Variants in RAP1GAP2 observed in about 807,000 individuals in gnomAD.
The protein encoded by RAP1GAP2 is RAP1 GTPase activating protein 2.
Under a neutral mutation model 95.0 loss-of-function variants are expected in RAP1GAP2, and 27 were observed. The observed-to-expected ratio is 0.28, with a 90% CI of 0.21 to 0.39. RAP1GAP2 has a LOEUF of 0.39. Ranked by LOEUF, RAP1GAP2 falls within the 10% of genes least tolerant of loss-of-function variation. RAP1GAP2 has a pLI of 1.00. For synonymous variants in RAP1GAP2, 373 were observed against 380.9 expected, an observed-to-expected ratio of 0.98 and a Z score of 0.24; for missense variants, 771 against 970.0, an observed-to-expected ratio of 0.79 and a Z score of 2.72.
intron 10 of RAP1GAP2, among the ~76,000 whole-genome samples, chr17:2,984,284 G>C (rs1402582511): frequency 1.3e-5 from 2 of 152,098 alleles, no homozygotes; most frequent in Non-Finnish European, 2.9e-5. Flanking sequence ...GGAGGCGGAG[G>C]TTGCAGTGAG....
At chr17:3,026,495 C>A (rs773621533) in intron 21 of RAP1GAP2, 31 bp downstream of exon 21, 18 of 1,484,316 alleles carry the variant, frequency 1.2e-5, no homozygotes, top group Admixed American at 6.6e-5. Flanking sequence ...CTTGGGCAGG[C>A]ACTCTGGGGC....
At chr17:3,032,224 C>G (rs1388539800) in intron 23 of RAP1GAP2, among the ~76,000 whole-genome samples, 187 bp from the exon 24 acceptor site, 1 of 152,002 alleles carries the variant, frequency 6.6e-6, no homozygotes, top group African/African-American at 2.4e-5. Context: ...CCCCCAGTCC[C>G]TTTCTGAGCT....
chr17:2,919,364 T>A (rs1402551793), intron 3 of RAP1GAP2, among the ~76,000 whole-genome samples: 1 of 152,210 alleles, frequency 6.6e-6, no homozygotes, highest in Non-Finnish European at 1.5e-5. Flanking sequence ...ATGAAGGTTT[T>A]TGGGACTAGA....
At chr17:2,970,288 A>AAT (rs1555582382) in intron 8 of RAP1GAP2, among the ~76,000 whole-genome samples, 1 of 144,208 alleles carries the variant, frequency 6.9e-6, no homozygotes, top group South Asian at 2.1e-4. Context: ...AAAAAAAAAA[A>AAT]AAAAAAAATA....
chr17:3,013,821 G>T, intron 17 of RAP1GAP2, among the ~76,000 whole-genome samples: 2 of 151,480 alleles, frequency 1.3e-5, no homozygotes, highest in East Asian at 1.9e-4. Flanking sequence ...TGTGGGCTTG[G>T]GCAATAATTT....
chr17:2,850,017 T>TTTTTTG, intron 2 of RAP1GAP2, among the ~76,000 whole-genome samples: 1 of 150,162 alleles, frequency 6.7e-6, no homozygotes, highest in African/African-American at 2.5e-5. Flanking sequence ...TTTTTTTTTT[T>TTTTTTG]TGAGATGGAG....
rs538868924 is a variant in RAP1GAP2, at chr17:2,965,605, G to A, written c.558G>A (p.Glu186=). Residue 186 remains glutamate, a synonymous_variant, in exon 8 of 25, where the codon GAG becomes GAA. Transcript: ENST00000254695. The surrounding 1 kb of genome is among the most constrained non-coding windows in gnomAD (Gnocchi z 4.7). ...LGNLILSVKC[E]EAEGIEYLRV... The stretch of plus-strand genomic sequence containing the variant: ...ACTTGATCCTGTCCGTCAAGTGCGA[G>A]GAAGCAGAGGGGATCGAGTACCTCC... 434 of 1,612,422 alleles carry A rather than the reference G, an allele frequency of 2.7e-4. 1 individual carries two copies. In the South Asian group the frequency reaches 4.5e-3, roughly 17 times the overall value.
intron 2 of RAP1GAP2, among the ~76,000 whole-genome samples, chr17:2,886,024 A>T (rs2073484616): frequency 6.6e-6 from 1 of 151,940 alleles, no homozygotes; most frequent in East Asian, 1.9e-4. Flanking sequence ...CTGGGTTGAG[A>T]TGTCGCATGA....
intron 11 of RAP1GAP2, among the ~76,000 whole-genome samples, chr17:2,986,415 G>A (rs11870976): frequency 0.15 from 23,236 of 152,060 alleles, 1,941 homozygotes; most frequent in Non-Finnish European, 0.19. Context: ...GATCTTATAA[G>A]CTGATTATAA....
intron 2 of RAP1GAP2, among the ~76,000 whole-genome samples, chr17:2,864,105 G>A (rs929390589): frequency 1.3e-5 from 2 of 150,438 alleles, no homozygotes; most frequent in Non-Finnish European, 2.9e-5. Context: ...TCACCGTCTT[G>A]TCCCGTACGT....
At position 2,988,981 on chromosome 17, in the gene RAP1GAP2, C is replaced by G. The variant is rs1310524056; in HGVS notation, c.814-2316C>G. Among the ~76,000 whole-genome samples the G allele has an allele frequency of 2.0e-5, 3 of 151,976 alleles. No homozygotes were observed. In the East Asian group the frequency reaches 5.8e-4, roughly 29 times the overall value. ...GGCTGAGGCAGGAGAATCGCTTGAACCTGGGAGGCAGAGGTTGCCGTGAGC... is the reference window on the plus strand; with the variant it reads ...GGCTGAGGCAGGAGAATCGCTTGAAGCTGGGAGGCAGAGGTTGCCGTGAGC... On this transcript the variant is annotated intron_variant, in intron 11 of 24. Transcript: ENST00000254695.
intron 2 of RAP1GAP2, among the ~76,000 whole-genome samples, chr17:2,897,959 C>G (rs2041895353): frequency 6.7e-6 from 1 of 148,968 alleles, no homozygotes; most frequent in South Asian, 2.1e-4. Context: ...CTCGCTCTGT[C>G]CCCCAGGCTG....
Position 2,857,838 on chromosome 17 carries a change from G to T in RAP1GAP2, c.81-47446G>T, listed in dbSNP as rs1180646373. Among the ~76,000 whole-genome samples the T allele has an allele frequency of 6.6e-6, 1 of 152,198 alleles. No homozygotes were observed. The highest frequency in any genetic ancestry group is 1.5e-5 in the Non-Finnish European group (1 of 68,040). ...TTCTTGGCCGGGCGCGGCAGCTCAC[G>T]CCTGTAATCCCAGCACTTTGGGAGG... is the stretch of plus-strand genomic sequence containing the variant. On this transcript the variant is annotated intron_variant, in intron 2 of 24. Coordinates refer to ENST00000254695, the MANE Select transcript of RAP1GAP2 (RefSeq NM_015085.5). The surrounding 1 kb of genome is among the most constrained non-coding windows in gnomAD (Gnocchi z 4.0).
chr17:2,961,672 C>T (rs1008442975), intron 4 of RAP1GAP2, among the ~76,000 whole-genome samples: 35 of 152,254 alleles, frequency 2.3e-4, no homozygotes, highest in African/African-American at 7.0e-4. Flanking sequence ...GAAAGGTGAG[C>T]GTCTAATCCT....
At chr17:2,840,716 G>C (rs1185193123) in intron 2 of RAP1GAP2, among the ~76,000 whole-genome samples, 1 of 152,074 alleles carries the variant, frequency 6.6e-6, no homozygotes, top group African/African-American at 2.4e-5. Context: ...ATAAAGTCTT[G>C]GCTGGGCACC....
At position 2,844,170 on chromosome 17, in the gene RAP1GAP2, G is replaced by A. The variant is rs932775177; in HGVS notation, c.80+43620G>A. Among the ~76,000 whole-genome samples, 16 of 152,010 alleles carry A rather than the reference G, an allele frequency of 1.1e-4. No individual in the cohort carries two copies. The South Asian group carries it at 2.1e-3, about 20-fold the overall frequency. On this transcript the variant is annotated intron_variant, in intron 2 of 24. Coordinates refer to ENST00000254695, the MANE Select transcript of RAP1GAP2 (RefSeq NM_015085.5). ...GGAGTAGCTGGGACTACAGGCGCCC[G>A]CCACCATGCCTGGCTAATATTTTGT... is the stretch of plus-strand genomic sequence containing the variant.
chr17:2,759,037 G>C (rs555039041), intron 1 of RAP1GAP2, among the ~76,000 whole-genome samples: 1 of 151,834 alleles, frequency 6.6e-6, no homozygotes, highest in African/African-American at 2.4e-5. Flanking sequence ...ATGGGGTCTT[G>C]CTATATTGTC....
At chr17:2,832,571 A>C in intron 2 of RAP1GAP2, among the ~76,000 whole-genome samples, 1 of 150,898 alleles carries the variant, frequency 6.6e-6, no homozygotes. Flanking sequence ...AAAAAAAAAA[A>C]AAAAAAGATA....
intron 2 of RAP1GAP2, among the ~76,000 whole-genome samples, chr17:2,851,961 C>T (rs2151595032): frequency 6.6e-6 from 1 of 152,276 alleles, no homozygotes; most frequent in South Asian, 2.1e-4. Flanking sequence ...GTGCAGCCTT[C>T]TGTGTGTGGG....
Sources: allele counts gnomAD v4.1 joint callset (sites outside exome capture counted in the v4.1 genomes callset), GRCh38; gene constraint gnomAD v4.1.1; non-coding constraint Gnocchi (gnomAD v3.1); transcripts MANE v1.5; gene names NCBI Gene and HGNC (gene_info 2026-07-23, HGNC 2026-07-21).